Variants in TFDP2 observed in about 807,000 individuals in gnomAD.
The protein encoded by TFDP2 is transcription factor Dp-2 (E2F dimerization partner 2).
TFDP2 carries 17 observed loss-of-function variants against 59.3 expected under a neutral mutation model. The observed-to-expected ratio is 0.29, with a 90% confidence interval of 0.20 to 0.43. TFDP2 has a LOEUF of 0.43. Ranked by LOEUF, TFDP2 falls within the 20% of genes least tolerant of loss-of-function variation. The pLI is 1.00. For synonymous variants in TFDP2, 180 were observed against 194.7 expected (o/e 0.92, Z 0.63); for missense variants, 391 against 528.8 (o/e 0.74, Z 2.56).
At chr3:141,992,451 G>C (rs1269234024) in intron 6 of TFDP2, among the ~76,000 whole-genome samples, 1 of 152,176 alleles carries the variant, frequency 6.6e-6, no homozygotes. Flanking sequence ...CAGTGCAGAG[G>C]TGCCACCAAT....
chr3:142,047,595 G>A (rs953927814), intron 3 of TFDP2, among the ~76,000 whole-genome samples: 1 of 152,002 alleles, frequency 6.6e-6, no homozygotes, highest in African/African-American at 2.4e-5. Context: ...TAATCCTCAA[G>A]TTTGGCCCAA....
At chr3:141,972,373 C>T (rs1487356090) in intron 8 of TFDP2, among the ~76,000 whole-genome samples, 1 of 152,210 alleles carries the variant, frequency 6.6e-6, no homozygotes, top group Non-Finnish European at 1.5e-5. Context: ...TATTTCCAAC[C>T]CACTGGCAGA....
At chr3:142,104,723 A>G (rs1229127247) in intron 1 of TFDP2, among the ~76,000 whole-genome samples, 2 of 152,226 alleles carry the variant, frequency 1.3e-5, no homozygotes, top group African/African-American at 4.8e-5. Flanking sequence ...CAGCAGAACT[A>G]GTACTTAGGG....
chr3:141,984,922 T>C (rs1941915077), intron 6 of TFDP2, among the ~76,000 whole-genome samples: 2 of 151,994 alleles, frequency 1.3e-5, no homozygotes, highest in Admixed American at 6.6e-5. Flanking sequence ...CATTTTACTG[T>C]TCTTCTTCTT....
intron 3 of TFDP2, among the ~76,000 whole-genome samples, chr3:142,060,482 G>A (rs2059882152): frequency 6.6e-6 from 1 of 152,176 alleles, no homozygotes; most frequent in African/African-American, 2.4e-5. Context: ...GAGCTCCTGT[G>A]AGACAGGCAC....
intron 3 of TFDP2, among the ~76,000 whole-genome samples, chr3:142,035,651 T>C (rs193030178): frequency 4.9e-4 from 75 of 152,328 alleles, no homozygotes; most frequent in African/African-American, 1.7e-3. Flanking sequence ...TCCCATGTGT[T>C]GTGGGAGGGA....
At chr3:142,115,669 T>C (rs947462691) in intron 1 of TFDP2, among the ~76,000 whole-genome samples, 1 of 152,256 alleles carries the variant, frequency 6.6e-6, no homozygotes, top group African/African-American at 2.4e-5. Flanking sequence ...TACACTTTTG[T>C]TGTTTTTAGT....
intron 3 of TFDP2, among the ~76,000 whole-genome samples, chr3:142,085,076 A>G (rs568387767): frequency 3.9e-5 from 6 of 152,054 alleles, no homozygotes; most frequent in Non-Finnish European, 8.8e-5. Flanking sequence ...GAGTGCCACC[A>G]CACTCGGCTA....
intron 7 of TFDP2, 36 bp downstream of exon 7, chr3:141,978,484 C>G (rs1576549884): frequency 1.3e-6 from 2 of 1,583,808 alleles, no homozygotes; most frequent in Admixed American, 1.8e-5. Context: ...GTAGCATCAT[C>G]CATCAAAATC....
intron 3 of TFDP2, among the ~76,000 whole-genome samples, chr3:142,074,208 A>T (rs938986382): frequency 7.3e-5 from 11 of 151,540 alleles, no homozygotes; most frequent in African/African-American, 2.7e-4. Context: ...CAGGAGTTCG[A>T]GACCAGACTG....
chr3:142,128,347 A>G (rs951525959), intron 1 of TFDP2, among the ~76,000 whole-genome samples: 1 of 152,228 alleles, frequency 6.6e-6, no homozygotes, highest in African/African-American at 2.4e-5. Flanking sequence ...TACATGCTGT[A>G]CAGTGGACCT....
At chr3:142,067,590 G>A (rs145123112) in intron 3 of TFDP2, among the ~76,000 whole-genome samples, 110 of 152,144 alleles carry the variant, frequency 7.2e-4, no homozygotes, top group African/African-American at 2.6e-3. Context: ...TAAAAATCCT[G>A]CAAGTTACTT....
chr3:142,101,712 T>C (rs1560145044), intron 2 of TFDP2, 23 bp downstream of exon 2: 1 of 1,351,138 alleles, frequency 7.4e-7, no homozygotes. Context: ...AATACTTACA[T>C]TAAAAAATTT....
intron 1 of TFDP2, among the ~76,000 whole-genome samples, chr3:142,140,197 G>A (rs555535268): frequency 2.6e-5 from 4 of 152,244 alleles, no homozygotes; most frequent in East Asian, 1.9e-4. Context: ...AAGTTCTCAT[G>A]CCATGGTTTT....
At chr3:141,971,772 T>C (rs1320776351) in intron 8 of TFDP2, among the ~76,000 whole-genome samples, 1 of 152,186 alleles carries the variant, frequency 6.6e-6, no homozygotes, top group Non-Finnish European at 1.5e-5. Context: ...ATTTTACCCT[T>C]ACAAGGAAAG....
intron 9 of TFDP2, among the ~76,000 whole-genome samples, chr3:141,969,520 G>A (rs1310614850): frequency 1.3e-5 from 2 of 151,670 alleles, no homozygotes; most frequent in East Asian, 3.9e-4. Context: ...GGCTGAGGCA[G>A]AGAATGGCTT....
At chr3:141,956,888 G>A (rs1025493189) in intron 11 of TFDP2, among the ~76,000 whole-genome samples, 2 of 151,494 alleles carry the variant, frequency 1.3e-5, no homozygotes, top group African/African-American at 4.9e-5. Context: ...TTGCGCCACT[G>A]CACTCCAGCC....
At chr3:142,038,321 T>C (rs1946785575) in intron 3 of TFDP2, among the ~76,000 whole-genome samples, 1 of 146,870 alleles carries the variant, frequency 6.8e-6, no homozygotes, top group South Asian at 2.1e-4. Context: ...GAGGCAGAGC[T>C]TGCAGTGAGG....
chr3:142,054,380 G>C (rs933695235), intron 3 of TFDP2, among the ~76,000 whole-genome samples: 1 of 152,078 alleles, frequency 6.6e-6, no homozygotes, highest in Non-Finnish European at 1.5e-5. Flanking sequence ...CAAGAATCCA[G>C]ACACAAAATG....
Sources: allele counts gnomAD v4.1 joint callset (sites outside exome capture counted in the v4.1 genomes callset), GRCh38; gene constraint gnomAD v4.1.1; transcripts MANE v1.5; gene names NCBI Gene and HGNC (gene_info 2026-07-23, HGNC 2026-07-21).